Variants in FAM53A observed in about 807,000 individuals in gnomAD.
FAM53A encodes the protein family with sequence similarity 53 member A.
A neutral mutation model predicts 26.6 loss-of-function variants in FAM53A; 28 were observed. That is an observed-to-expected ratio of 1.05 (90% CI 0.78 to 1.45). FAM53A has a LOEUF of 1.45. FAM53A is among the 40% of genes most tolerant of loss of function. FAM53A has a pLI of 0.00. For missense variants in FAM53A, 650 were observed against 575.8 expected (o/e 1.13, Z -1.32); for synonymous variants, 290 against 253.1 (o/e 1.15, Z -1.38).
chr4:1,678,402 C>T (rs550549788), intron 1 of FAM53A, among the ~76,000 whole-genome samples: 42 of 152,282 alleles, frequency 2.8e-4, no homozygotes, highest in African/African-American at 1.0e-3. Context: ...ATGGAACAGG[C>T]AGAACAGAGA....
the FAM53A span, among the ~76,000 whole-genome samples, chr4:1,606,565 C>G: frequency 2.8e-4 from 43 of 152,282 alleles, no homozygotes; most frequent in East Asian, 6.4e-3. Context: ...CCGCGTGACT[C>G]AGACAAGTGC....
At chr4:1,671,755 C>T (rs1432400806) in intron 1 of FAM53A, among the ~76,000 whole-genome samples, 2 of 152,270 alleles carry the variant, frequency 1.3e-5, no homozygotes, top group African/African-American at 2.4e-5. Flanking sequence ...CCGTGCACCA[C>T]GAGGGGCTGC....
At chr4:1,637,672 G>A (rs967135074), downstream of FAM53A, among the ~76,000 whole-genome samples, 3 of 152,118 alleles carry the variant, frequency 2.0e-5, no homozygotes, top group Admixed American at 6.5e-5. Context: ...GGCCACTGCA[G>A]CAGTGCTGGG....
At chr4:1,649,564 C>T (rs1712564980) in intron 4 of FAM53A, among the ~76,000 whole-genome samples, 2 of 152,240 alleles carry the variant, frequency 1.3e-5, no homozygotes, top group South Asian at 2.1e-4. Flanking sequence ...CTGTGGGGCC[C>T]GCTCATGCCC....
At chr4:1,598,569 G>A in the FAM53A span, among the ~76,000 whole-genome samples, 1 of 152,222 alleles carries the variant, frequency 6.6e-6, no homozygotes, top group Non-Finnish European at 1.5e-5. Flanking sequence ...ATTTTTAAGC[G>A]TGAAGAATTG....
chr4:1,647,233 G>C (rs1280812196), intron 4 of FAM53A, among the ~76,000 whole-genome samples: 1 of 151,924 alleles, frequency 6.6e-6, no homozygotes, highest in Non-Finnish European at 1.5e-5. Context: ...CTACTCAGGA[G>C]ACTGAGGCAG....
chr4:1,596,766 G>T, the FAM53A span, among the ~76,000 whole-genome samples: 1 of 152,152 alleles, frequency 6.6e-6, no homozygotes, highest in African/African-American at 2.4e-5. Context: ...CCTTTAAAAG[G>T]GGGAAAGACA....
the FAM53A span, among the ~76,000 whole-genome samples, chr4:1,602,676 C>T: frequency 6.6e-6 from 1 of 152,224 alleles, no homozygotes; most frequent in East Asian, 1.9e-4. Context: ...CGCGCCCCCT[C>T]CCCGCCAGGC....
Position 1,630,936 on chromosome 4 carries a change from G to A in FAM53A, c.432-12825C>T, listed in dbSNP as rs1451514665. ...CACGCGCCTGCAGTCCCAGCACTTT[G>A]GGAGGGTGAGGCAGGAGGACTGTTT... On this transcript the variant is annotated intron_variant, in intron 1 of 1. Coordinates refer to the FAM53A transcript ENST00000489029. The surrounding 1 kb of genome is among the most constrained non-coding windows in gnomAD (Gnocchi z 4.3). Among the ~76,000 whole-genome samples the A allele has an allele frequency of 2.0e-5, 3 of 152,312 alleles. No homozygotes were observed. The East Asian group carries it at 5.8e-4, about 29-fold the overall frequency.
chr4:1,650,292 G>A (rs1202086900), intron 4 of FAM53A, among the ~76,000 whole-genome samples: 2 of 143,868 alleles, frequency 1.4e-5, no homozygotes, highest in Non-Finnish European at 3.0e-5. Flanking sequence ...AGGTGGCACA[G>A]GCGTGGTGTT....
At chr4:1,670,297 C>T (rs957356274) in intron 1 of FAM53A, among the ~76,000 whole-genome samples, 1 of 152,270 alleles carries the variant, frequency 6.6e-6, no homozygotes, top group African/African-American at 2.4e-5. Flanking sequence ...CCAACATGCA[C>T]TTCCCTAGAG....
At chr4:1,677,806 G>A (rs779637211) in intron 1 of FAM53A, among the ~76,000 whole-genome samples, 1 of 152,104 alleles carries the variant, frequency 6.6e-6, no homozygotes, top group Non-Finnish European at 1.5e-5. Context: ...TTAGCCGAGC[G>A]TGGTAGCAGG....
chr4:1,612,450 T>C, the FAM53A span, among the ~76,000 whole-genome samples: 2 of 151,858 alleles, frequency 1.3e-5, no homozygotes, highest in South Asian at 4.2e-4. Context: ...AGGGGTGTGC[T>C]CCGCCCCCTC....
At chr4:1,626,311 G>T (rs1220977312) in intron 1 of FAM53A, among the ~76,000 whole-genome samples, 1 of 152,224 alleles carries the variant, frequency 6.6e-6, no homozygotes, top group Admixed American at 6.5e-5. Context: ...AGCCGTCCAC[G>T]TGGGCTTTCC....
At position 1,626,448 on chromosome 4, in the gene FAM53A, G is replaced by T. The variant is rs534328639; in HGVS notation, c.432-8337C>A. Among the ~76,000 whole-genome samples, 96 of 152,316 alleles carry T rather than the reference G, an allele frequency of 6.3e-4. 1 individual carries two copies. Among genetic ancestry groups the T allele is most frequent in the African/African-American group, 2.3e-3 (95 of 41,574 alleles). The stretch of plus-strand genomic sequence containing the variant: ...TCACCAGACCCAGCGGGGAAGTCGG[G>T]GAGGACCCAGTGTAGACTCTCAGCC... On this transcript the variant is annotated intron_variant, in intron 1 of 1. Transcript: ENST00000489029.
intron 1 of FAM53A, among the ~76,000 whole-genome samples, chr4:1,682,878 G>T (rs1179495151): frequency 6.6e-6 from 1 of 152,198 alleles, no homozygotes; most frequent in African/African-American, 2.4e-5. Context: ...TGCAATCTAA[G>T]AAACATAAGG....
chr4:1,680,955 A>C (rs798731), intron 1 of FAM53A, among the ~76,000 whole-genome samples: 57,634 of 152,044 alleles, frequency 0.38, 11,673 homozygotes, highest in African/African-American at 0.51. Flanking sequence ...CAAGAGTGAA[A>C]CCTGATGTCA....
At chr4:1,672,260 C>T (rs938457224) in intron 1 of FAM53A, among the ~76,000 whole-genome samples, 1 of 148,624 alleles carries the variant, frequency 6.7e-6, no homozygotes, top group Admixed American at 6.7e-5. Context: ...CAGGGACCCA[C>T]AGACCCACAA....
At chr4:1,609,924 C>A in the FAM53A span, among the ~76,000 whole-genome samples, 1 of 152,112 alleles carries the variant, frequency 6.6e-6, no homozygotes, top group Non-Finnish European at 1.5e-5. Context: ...GATCGCGCCA[C>A]TGCACTCCAG....
Sources: allele counts gnomAD v4.1 joint callset (sites outside exome capture counted in the v4.1 genomes callset), GRCh38; gene constraint gnomAD v4.1.1; non-coding constraint Gnocchi (gnomAD v3.1); transcripts MANE v1.5; gene names NCBI Gene and HGNC (gene_info 2026-07-23, HGNC 2026-07-21).